HERC6: variants seen among roughly 807,000 people sequenced by gnomAD.
HERC6 encodes HECT and RLD domain containing E3 ubiquitin protein ligase family member 6, also known as probable E3 ubiquitin-protein ligase HERC6.
HERC6 carries 101 observed loss-of-function variants against 114.5 expected under a neutral mutation model. The ratio of observed to expected loss-of-function variants is 0.88; its 90% CI spans 0.75 to 1.04. HERC6 has a LOEUF of 1.04. Ranked by LOEUF, HERC6 falls within the 50% of genes least tolerant of loss-of-function variation. HERC6 has a pLI of 0.00. For synonymous variants in HERC6, 408 were observed against 436.2 expected (o/e 0.94, Z 0.81); for missense variants, 1,133 against 1,230.9 (o/e 0.92, Z 1.19).
In HERC6 at chr4:88,396,882, G is replaced by C. The variant is rs1339700440; in HGVS notation, c.919G>C (p.Gly307Arg). Reference sequence around the variant, plus strand: ...CACCCTGGCATATGTGCACACCACTGGTCAGGTGGTATCTTTTGGTCATGG... The same window carrying C: ...CACCCTGGCATATGTGCACACCACTCGTCAGGTGGTATCTTTTGGTCATGG... Reference protein sequence around the residue: ...YHTLAYVHTTGQVVSFGHGPS... With the variant: ...YHTLAYVHTTRQVVSFGHGPS... Residue 307 changes from glycine (G) to arginine (R), a missense_variant, in exon 7 of 23, where the codon GGT becomes CGT. Physicochemically the swap from Gly to Arg is moderately radical, Grantham distance 125. This residue lies in a region of HERC6 where 735 missense variants were observed against 754.0 expected (regional missense o/e 0.97). Coordinates refer to ENST00000264346, the MANE Select transcript of HERC6 (RefSeq NM_017912.4). 7 of 1,604,708 alleles carry C rather than the reference G, an allele frequency of 4.4e-6. No homozygotes were observed. Among genetic ancestry groups the C allele is most frequent in the Non-Finnish European group, 6.0e-6 (7 of 1,174,244 alleles).
At chr4:88,404,253 T>C (rs1393495785) in intron 8 of HERC6, among the ~76,000 whole-genome samples, 1 of 151,050 alleles carries the variant, frequency 6.6e-6, no homozygotes, top group African/African-American at 2.4e-5. Context: ...AGTGCAATGG[T>C]ATGATCTTGT....
At chr4:88,402,375 G>A (rs1735592344) in intron 8 of HERC6, among the ~76,000 whole-genome samples, 1 of 152,150 alleles carries the variant, frequency 6.6e-6, no homozygotes, top group Non-Finnish European at 1.5e-5. Flanking sequence ...GGTGTTGGGA[G>A]TGGCTGCTAC....
At chr4:88,384,643 A>G (rs1282662163) in intron 2 of HERC6, among the ~76,000 whole-genome samples, 1 of 152,210 alleles carries the variant, frequency 6.6e-6, no homozygotes, top group Non-Finnish European at 1.5e-5. Context: ...TGAACTTGGA[A>G]TGAAAAGACC....
chr4:88,407,009 T>A (rs1321271970), intron 10 of HERC6, among the ~76,000 whole-genome samples: 1 of 152,170 alleles, frequency 6.6e-6, no homozygotes, highest in Non-Finnish European at 1.5e-5. Flanking sequence ...TCCACCCACC[T>A]TGGCCTCCCA....
In HERC6 at chr4:88,435,806, C is replaced by T. The variant is rs748160446; in HGVS notation, c.2332C>T (p.Pro778Ser). ...ATTCAATTTAAATGTTGCTAACCTT[C>T]CTTTCCCACTGGCTCTGTATAAAAA... ...SLFNLNVANLPFPLALYKKLL... is the reference protein window; with the variant it reads ...SLFNLNVANLSFPLALYKKLL... The change falls in exon 18 of 23, where the codon CCT becomes TCT. Residue 778 changes from proline to serine, a missense_variant. Coordinates refer to ENST00000264346, the MANE Select transcript of HERC6 (RefSeq NM_017912.4). 41 of 1,612,190 alleles carry T rather than the reference C, an allele frequency of 2.5e-5. No homozygotes were observed. In the East Asian group the frequency reaches 9.2e-4, roughly 36 times the overall value.
intron 3 of HERC6, among the ~76,000 whole-genome samples, chr4:88,386,205 T>C (rs1734571540): frequency 1.3e-5 from 2 of 150,648 alleles, no homozygotes; most frequent in African/African-American, 4.9e-5. Context: ...TTTTCTTTTT[T>C]TTTTTTTTTT....
intron 1 of HERC6, among the ~76,000 whole-genome samples, chr4:88,379,651 AAATATATAAATATATAT>A (rs1560527700): frequency 1.0e-5 from 1 of 99,048 alleles, no homozygotes; most frequent in Non-Finnish European, 1.9e-5. Flanking sequence ...TATATATATA[AAATATATAAATATATAT>A]AATATATAAA....
chr4:88,400,044 A>C (rs1262543335), intron 8 of HERC6, among the ~76,000 whole-genome samples: 1 of 152,172 alleles, frequency 6.6e-6, no homozygotes, highest in African/African-American at 2.4e-5. Context: ...AAGAAAGGAC[A>C]AAGAGCTCGA....
At chr4:88,428,811 G>GT (rs1355155888) in intron 16 of HERC6, 61 bp downstream of exon 16, 2 of 1,338,606 alleles carry the variant, frequency 1.5e-6, no homozygotes, top group African/African-American at 3.0e-5. Context: ...TTCATATGAT[G>GT]TAACAAATGC....
chr4:88,410,701 C>T (rs1218634274), intron 11 of HERC6, among the ~76,000 whole-genome samples: 4 of 152,044 alleles, frequency 2.6e-5, no homozygotes, highest in East Asian at 1.9e-4. Flanking sequence ...AAGTTTTGTA[C>T]GCTTGCATGT....
At chr4:88,384,597 C>T (rs1351722817) in intron 2 of HERC6, among the ~76,000 whole-genome samples, 3 of 152,138 alleles carry the variant, frequency 2.0e-5, no homozygotes, top group African/African-American at 7.2e-5. Flanking sequence ...TCATTAAATT[C>T]TAGAAGAGAT....
intron 15 of HERC6, 134 bp downstream of exon 15, chr4:88,424,836 TTTG>T (rs1737439244): frequency 6.5e-6 from 4 of 613,972 alleles, no homozygotes; most frequent in Admixed American, 6.8e-5. Flanking sequence ...ACTTTTTTTC[TTTG>T]TTGTTGTTAC....
rs1735781602 is a variant in HERC6 at position 88,405,618 on chromosome 4, T to C, written c.1274+5T>C. ...TGCAAGTTTTTTAAAGAAAAGGTAA[T>C]ACTTACATAAGATTTACCTTCATTT... On this transcript the variant is annotated splice_donor_5th_base_variant and intron_variant, in intron 10 of 22. Transcript: ENST00000264346. The C allele has an allele frequency of 4.2e-6, 6 of 1,437,744 alleles. No homozygotes were observed. In the East Asian group the frequency reaches 1.4e-4, roughly 34 times the overall value. 89.1% of individuals were successfully genotyped at this position (1,437,744 alleles called of 1,614,324 possible). A position where few individuals can be genotyped will look rare whatever the true frequency, so the allele number is the denominator to read the frequency against.
chr4:88,413,380 G>C, intron 12 of HERC6, 114 bp downstream of exon 12: 1 of 671,890 alleles, frequency 1.5e-6, no homozygotes, highest in Non-Finnish European at 2.5e-6. Context: ...TGAGAACATG[G>C]CATGTAAATT....
At chr4:88,412,747 C>G (rs899188513) in intron 11 of HERC6, among the ~76,000 whole-genome samples, 1 of 152,188 alleles carries the variant, frequency 6.6e-6, no homozygotes, top group Non-Finnish European at 1.5e-5. Flanking sequence ...AGGAGGAATA[C>G]TAATGTGACC....
intron 1 of HERC6, among the ~76,000 whole-genome samples, chr4:88,379,901 A>T (rs1734107968): frequency 3.6e-5 from 1 of 27,856 alleles, no homozygotes; most frequent in Non-Finnish European, 5.4e-5. Flanking sequence ...ATAATATATA[A>T]ATATATATAA....
intron 20 of HERC6, among the ~76,000 whole-genome samples, chr4:88,439,324 C>A (rs1292845416): frequency 6.8e-6 from 1 of 147,662 alleles, no homozygotes; most frequent in Non-Finnish European, 1.5e-5. Context: ...GCCTGGGCAA[C>A]ACAGGGAGAC....
chr4:88,410,213 C>T (rs1736014975), intron 11 of HERC6, among the ~76,000 whole-genome samples: 1 of 152,264 alleles, frequency 6.6e-6, no homozygotes, highest in Non-Finnish European at 1.5e-5. Context: ...GGAGACACGA[C>T]ACATCAATCC....
At chr4:88,395,860 T>C (rs1166619872) in intron 5 of HERC6, among the ~76,000 whole-genome samples, 155 bp from the exon 6 acceptor site, 1 of 152,190 alleles carries the variant, frequency 6.6e-6, no homozygotes, top group Non-Finnish European at 1.5e-5. Flanking sequence ...TAACTCAACA[T>C]ACACTATTAG....
Sources: allele counts gnomAD v4.1 joint callset (sites outside exome capture counted in the v4.1 genomes callset), GRCh38; gene constraint gnomAD v4.1.1; regional missense constraint gnomAD v4.1.1; transcripts MANE v1.5; gene names NCBI Gene and HGNC (gene_info 2026-07-23, HGNC 2026-07-21).